The following ROR2 variants were observed in gnomAD, a reference collection of about 807,000 sequenced individuals.
ROR2 encodes the protein ROR family WNT receptor 2, also known as tyrosine-protein kinase transmembrane receptor ROR2.
Under a neutral mutation model 74.9 loss-of-function variants are expected in ROR2, and 33 were observed. The ratio of observed to expected loss-of-function variants is 0.44; its 90% CI spans 0.33 to 0.59. ROR2 has a LOEUF of 0.59. Ranked by LOEUF, ROR2 falls within the 20% of genes least tolerant of loss-of-function variation. The probability of loss-of-function intolerance (pLI) is 0.02; values close to 1 mark genes in which losing one functional copy is unlikely to be tolerated. For missense variants in ROR2, 1,216 were observed against 1,313.8 expected (o/e 0.93, Z 1.15); for synonymous variants, 586 against 558.7 (o/e 1.05, Z -0.69).
At chr9:91,837,839 G>T (rs1273203671) in intron 1 of ROR2, among the ~76,000 whole-genome samples, 2 of 152,280 alleles carry the variant, frequency 1.3e-5, no homozygotes, top group East Asian at 3.9e-4. Context: ...AAGCTATAAG[G>T]TAGAAGTAAA....
chr9:91,739,968 C>CA (rs1390006888), intron 4 of ROR2, among the ~76,000 whole-genome samples: 21 of 152,182 alleles, frequency 1.4e-4, no homozygotes, highest in Admixed American at 3.9e-4. Flanking sequence ...ATCATTAAGA[C>CA]ATGCCTGATC....
intron 6 of ROR2, among the ~76,000 whole-genome samples, chr9:91,732,103 T>G (rs1837263384): frequency 6.6e-6 from 1 of 152,052 alleles, no homozygotes; most frequent in Non-Finnish European, 1.5e-5. Flanking sequence ...CCCTGGCTGG[T>G]CCTGGTAAGG....
chr9:91,832,463 C>T (rs1006379310), intron 1 of ROR2, among the ~76,000 whole-genome samples: 1 of 149,880 alleles, frequency 6.7e-6, no homozygotes, highest in Admixed American at 6.7e-5. Context: ...ACTCTAGGTG[C>T]TGCTCTCCAG....
chr9:91,918,668 A>G (rs947892019), intron 1 of ROR2, among the ~76,000 whole-genome samples: 5 of 152,224 alleles, frequency 3.3e-5, no homozygotes, highest in Non-Finnish European at 7.3e-5. Flanking sequence ...TTCTGTGAAT[A>G]TCTTAAAAAC....
At chr9:91,892,648 G>C (rs1051479353) in intron 1 of ROR2, among the ~76,000 whole-genome samples, 12 of 139,080 alleles carry the variant, frequency 8.6e-5, no homozygotes, top group African/African-American at 2.9e-4. Flanking sequence ...GGAGTGCAGT[G>C]GTGTGATCTC....
intron 4 of ROR2, among the ~76,000 whole-genome samples, chr9:91,752,228 C>A (rs746722673): frequency 6.6e-6 from 1 of 152,182 alleles, no homozygotes; most frequent in Non-Finnish European, 1.5e-5. Flanking sequence ...AGCAATTCTA[C>A]GCCTAGTTAA....
intron 1 of ROR2, among the ~76,000 whole-genome samples, chr9:91,895,355 C>T (rs1165361384): frequency 6.6e-6 from 1 of 151,996 alleles, no homozygotes; most frequent in Non-Finnish European, 1.5e-5. Flanking sequence ...TTGTTCAAAC[C>T]CACAGAACAT....
At chr9:91,879,074 A>T (rs1009983056) in intron 1 of ROR2, among the ~76,000 whole-genome samples, 14 of 140,970 alleles carry the variant, frequency 9.9e-5, no homozygotes, top group Non-Finnish European at 2.0e-4. Flanking sequence ...AACAAACAAT[A>T]AAAAAAAAAA....
At chr9:91,941,348 G>A (rs1831860699) in intron 1 of ROR2, among the ~76,000 whole-genome samples, 1 of 152,158 alleles carries the variant, frequency 6.6e-6, no homozygotes, top group Non-Finnish European at 1.5e-5. Flanking sequence ...TTACAAGAAT[G>A]GTGCATGAAA....
intron 1 of ROR2, among the ~76,000 whole-genome samples, chr9:91,806,145 G>A (rs1475769900): frequency 6.6e-6 from 1 of 152,192 alleles, no homozygotes; most frequent in African/African-American, 2.4e-5. Flanking sequence ...ATAGGGACAG[G>A]GGGTTCTCTC....
intron 2 of ROR2, among the ~76,000 whole-genome samples, chr9:91,771,506 C>CA (rs1371413332): frequency 4.6e-5 from 7 of 152,218 alleles, no homozygotes; most frequent in Admixed American, 1.3e-4. Context: ...ACAACGAAGA[C>CA]AAAGCTCTGT....
chr9:91,926,695 C>T (rs942647515), intron 1 of ROR2, among the ~76,000 whole-genome samples: 2 of 151,508 alleles, frequency 1.3e-5, no homozygotes, highest in Non-Finnish European at 2.9e-5. Flanking sequence ...GTATTACGTC[C>T]GGGTGAACCC....
rs968382146 is a variant in ROR2 at position 91,789,875 on chromosome 9, C to T, written c.98-14057G>A. ...AGTGGGTAAAAAAGGCAAATCAAAA[C>T]ACCAAGACTGGCAGAATGGATTTAA... On this transcript the variant is annotated intron_variant, in intron 1 of 8. Coordinates refer to ENST00000375708, the MANE Select transcript of ROR2 (RefSeq NM_004560.4). Among the ~76,000 whole-genome samples, 43 of 152,058 alleles carry T rather than the reference C, an allele frequency of 2.8e-4. 1 individual carries two copies. Among genetic ancestry groups the T allele is most frequent in the Admixed American group, 1.3e-4 (2 of 15,272 alleles).
Position 91,724,956 on chromosome 9 carries a change from G to T in ROR2, c.1538C>A (p.Ala513Glu). 6.2e-7 allele frequency: 1 copy of T among 1,613,568 alleles called. No homozygotes were observed. The highest frequency in any genetic ancestry group is 8.5e-7 in the Non-Finnish European group (1 of 1,179,964). Residue 513 changes from alanine (A) to glutamate (E), a missense_variant, in exon 9 of 9, where the codon GCG becomes GAG. Physicochemically the swap from Ala to Glu is moderately radical, Grantham distance 107. Coordinates refer to ENST00000375708, the MANE Select transcript of ROR2 (RefSeq NM_004560.4). ...GAACTCCTCCCGCAGGGGCCCCTCC[G>T]CTTTGTCCTTCAGCGTTTTGATGGC... ...AVAIKTLKDK[A>E]EGPLREEFRH... is the part of the protein sequence containing the mutation.
intron 1 of ROR2, among the ~76,000 whole-genome samples, chr9:91,909,856 T>TTTTTTTTTTTTTTTTTTTTTTTTTTTTTG (rs1830924690): frequency 8.0e-6 from 1 of 125,406 alleles, no homozygotes; most frequent in African/African-American, 3.2e-5. Flanking sequence ...TGTTTTTTTT[T>TTTTTTTTTTTTTTTTTTTTTTTTTTTTTG]TTTTTTTTTT....
chr9:91,909,256 C>G (rs542973767), intron 1 of ROR2, among the ~76,000 whole-genome samples: 1 of 152,252 alleles, frequency 6.6e-6, no homozygotes, highest in Admixed American at 6.5e-5. Flanking sequence ...GATGCACACC[C>G]CCTCTGCATC....
chr9:91,872,998 T>TA (rs1333121613), intron 1 of ROR2, among the ~76,000 whole-genome samples: 5 of 152,252 alleles, frequency 3.3e-5, no homozygotes, highest in Non-Finnish European at 5.9e-5. Context: ...CTGAAATTCT[T>TA]AAACTTCTTG....
chr9:91,849,997 T>C (rs553038634), intron 1 of ROR2, among the ~76,000 whole-genome samples: 1 of 150,406 alleles, frequency 6.6e-6, no homozygotes, highest in East Asian at 1.9e-4. Flanking sequence ...ACTTAAGTTA[T>C]TTCTTTTTCT....
chr9:91,874,058 GA>G (rs1829883029), intron 1 of ROR2, among the ~76,000 whole-genome samples: 1 of 152,184 alleles, frequency 6.6e-6, no homozygotes. Flanking sequence ...TCTGCCCATA[GA>G]AAATCAAGTC....
Sources: allele counts gnomAD v4.1 joint callset (sites outside exome capture counted in the v4.1 genomes callset), GRCh38; gene constraint gnomAD v4.1.1; transcripts MANE v1.5; gene names NCBI Gene and HGNC (gene_info 2026-07-23, HGNC 2026-07-21).